The following GLT1D1 variants were observed in gnomAD, a reference collection of about 807,000 sequenced individuals.
GLT1D1 encodes the protein glycosyltransferase 1 domain-containing protein 1.
GLT1D1 carries 21 observed loss-of-function variants against 28.7 expected under a neutral mutation model. The ratio of observed to expected loss-of-function variants is 0.73; its 90% CI spans 0.52 to 1.05. The LOEUF is 1.05. Among genes scored for constraint, GLT1D1 ranks in the 50% least tolerant of loss-of-function variants. The probability of loss-of-function intolerance (pLI) is 0.00; values close to 1 mark genes in which losing one functional copy is unlikely to be tolerated. For synonymous variants in GLT1D1, 147 were observed against 124.8 expected, an observed-to-expected ratio of 1.18 and a Z score of -1.19; for missense variants, 343 against 330.6, an observed-to-expected ratio of 1.04 and a Z score of -0.29.
intron 4 of GLT1D1, 63 bp downstream of exon 7, chr12:128,926,517 A>G: frequency 3.6e-6 from 3 of 834,036 alleles, no homozygotes; most frequent in Non-Finnish European, 5.8e-6. Context: ...CCATCTCAGC[A>G]TTTCTCTCTT....
intron 4 of GLT1D1, among the ~76,000 whole-genome samples, chr12:128,932,126 GC>G (rs1338720893): frequency 1.3e-5 from 2 of 152,314 alleles, no homozygotes; most frequent in African/African-American, 4.8e-5. Context: ...GCATGAAGGT[GC>G]TGCCGGCTCC....
chr12:128,912,687 A>G (rs1215743715), intron 4 of GLT1D1, among the ~76,000 whole-genome samples: 1 of 152,000 alleles, frequency 6.6e-6, no homozygotes, highest in Non-Finnish European at 1.5e-5. Context: ...TTTTGAGACA[A>G]GGTCTGGCTC....
intron 2 of GLT1D1, among the ~76,000 whole-genome samples, chr12:128,880,156 T>G (rs1957000662): frequency 6.6e-6 from 1 of 152,210 alleles, no homozygotes; most frequent in South Asian, 2.1e-4. Context: ...TTATTTCTCC[T>G]CTAGTCAGAT....
At chr12:128,977,082 G>T (rs1022492692) in intron 7 of GLT1D1, among the ~76,000 whole-genome samples, 4 of 152,198 alleles carry the variant, frequency 2.6e-5, no homozygotes, top group Admixed American at 1.3e-4. Flanking sequence ...GGAGGCAGAG[G>T]TTGCAGTGAG....
intron 2 of GLT1D1, among the ~76,000 whole-genome samples, chr12:128,879,134 T>C (rs928368984): frequency 9.2e-5 from 14 of 152,164 alleles, no homozygotes; most frequent in African/African-American, 3.1e-4. Context: ...GTGAGTTGTG[T>C]TGTTTTCTTT....
intron 2 of GLT1D1, among the ~76,000 whole-genome samples, chr12:128,885,577 A>C (rs756370175): frequency 1.3e-4 from 20 of 152,238 alleles, no homozygotes; most frequent in Middle Eastern, 3.4e-3. Context: ...ACAGTCACTG[A>C]GTAGCTTGGC....
intron 4 of GLT1D1, among the ~76,000 whole-genome samples, chr12:128,937,802 G>A (rs1202373130): frequency 6.6e-6 from 1 of 152,166 alleles, no homozygotes; most frequent in Non-Finnish European, 1.5e-5. Flanking sequence ...CTGCTGCCAT[G>A]TGAAGAAAGA....
At chr12:128,952,265 G>T (rs1876767757) in intron 6 of GLT1D1, among the ~76,000 whole-genome samples, 1 of 151,912 alleles carries the variant, frequency 6.6e-6, no homozygotes, top group Non-Finnish European at 1.5e-5. Context: ...GACAGTGGGT[G>T]GCGGGGATGT....
intron 4 of GLT1D1, among the ~76,000 whole-genome samples, chr12:128,917,260 T>C (rs1872194783): frequency 6.6e-6 from 1 of 152,148 alleles, no homozygotes; most frequent in African/African-American, 2.4e-5. Context: ...GTCAATAACT[T>C]TGTTTCAGAA....
chr12:128,931,309 ATT>A (rs564088151), intron 4 of GLT1D1, among the ~76,000 whole-genome samples: 29 of 108,774 alleles, frequency 2.7e-4, no homozygotes, highest in African/African-American at 7.6e-4. Flanking sequence ...CCACTTTTTA[ATT>A]TTTTTTTTTT....
chr12:128,907,888 G>A, intron 4 of GLT1D1, among the ~76,000 whole-genome samples: 1 of 152,200 alleles, frequency 6.6e-6, no homozygotes, highest in East Asian at 1.9e-4. Context: ...GCAGAGCATG[G>A]TAGGGGAATC....
rs11060029 is a variant in GLT1D1, at chr12:128,937,187, C to T, written c.376-8139C>T. On this transcript the variant is annotated intron_variant, in intron 4 of 7. Transcript: ENST00000281703. ...TGATTTTGAAAATTAATATGTAGAGCCCAAAAAAGGCTTTCATTGGACTGT... is the reference window on the plus strand; with the variant it reads ...TGATTTTGAAAATTAATATGTAGAGTCCAAAAAAGGCTTTCATTGGACTGT... Among the ~76,000 whole-genome samples the T allele has an allele frequency of 3.3e-3, 505 of 152,110 alleles. 25 individuals carry two copies. In the East Asian group the frequency reaches 0.084, roughly 25 times the overall value.
At chr12:128,861,629 GTGTT>G (rs1185811275) in intron 1 of GLT1D1, among the ~76,000 whole-genome samples, 9 of 152,196 alleles carry the variant, frequency 5.9e-5, no homozygotes, top group African/African-American at 1.7e-4. Flanking sequence ...TGGTGACTGT[GTGTT>G]TGTTGTGTTT....
chr12:128,855,547 C>G (rs1260942563), intron 1 of GLT1D1, among the ~76,000 whole-genome samples: 1 of 151,996 alleles, frequency 6.6e-6, no homozygotes, highest in Non-Finnish European at 1.5e-5. Context: ...GCCTGGGTGG[C>G]AGATCAAAAC....
intron 7 of GLT1D1, among the ~76,000 whole-genome samples, chr12:128,961,657 G>A (rs374290963): frequency 1.4e-4 from 21 of 152,192 alleles, no homozygotes; most frequent in African/African-American, 4.6e-4. Context: ...CCCAGCTCAA[G>A]AAGCAGGAAG....
intron 4 of GLT1D1, among the ~76,000 whole-genome samples, chr12:128,917,299 T>C (rs1420764869): frequency 6.6e-6 from 1 of 152,204 alleles, no homozygotes; most frequent in Admixed American, 6.5e-5. Context: ...GTTTTTTGCA[T>C]ATCAATTTAA....
intron 7 of GLT1D1, among the ~76,000 whole-genome samples, chr12:128,958,026 C>T (rs1011060273): frequency 1.1e-4 from 17 of 152,258 alleles, no homozygotes; most frequent in African/African-American, 3.6e-4. Flanking sequence ...TTGAAACAAA[C>T]GCACAAAGTA....
intron 4 of GLT1D1, among the ~76,000 whole-genome samples, chr12:128,929,876 T>G (rs1376311133): frequency 6.6e-6 from 1 of 152,224 alleles, no homozygotes; most frequent in African/African-American, 2.4e-5. Context: ...CTCGGGAGGC[T>G]GAGGCACGAG....
intron 6 of GLT1D1, among the ~76,000 whole-genome samples, chr12:128,951,119 G>A (rs1876650039): frequency 6.6e-6 from 1 of 152,136 alleles, no homozygotes; most frequent in African/African-American, 2.4e-5. Context: ...ACATCATGTT[G>A]TGGCCGGGCG....
Sources: allele counts gnomAD v4.1 joint callset (sites outside exome capture counted in the v4.1 genomes callset), GRCh38; gene constraint gnomAD v4.1.1; transcripts MANE v1.5; gene names NCBI Gene and HGNC (gene_info 2026-07-23, HGNC 2026-07-21).